The following HNRNPUL1 variants were observed in gnomAD, a reference collection of about 807,000 sequenced individuals.
HNRNPUL1 encodes the protein heterogeneous nuclear ribonucleoprotein U-like protein 1.
HNRNPUL1 carries 14 observed loss-of-function variants against 108.5 expected under a neutral mutation model. The ratio of observed to expected loss-of-function variants is 0.13; its 90% CI spans 0.09 to 0.20. HNRNPUL1 has a LOEUF of 0.20. Among genes scored for constraint, HNRNPUL1 ranks in the 10% least tolerant of loss-of-function variants. The pLI is 1.00. For synonymous variants in HNRNPUL1, 422 were observed against 445.2 expected, an observed-to-expected ratio of 0.95 and a Z score of 0.66; for missense variants, 804 against 1,168.3, an observed-to-expected ratio of 0.69 and a Z score of 4.55.
At position 41,282,713 on chromosome 19, in the gene HNRNPUL1, G is replaced by A. The variant is rs193263354; in HGVS notation, c.999+1438G>A. 3.6e-3 allele frequency among the ~76,000 whole-genome samples: 517 copies of A among 142,700 alleles called. 5 individuals are homozygous for A. The highest frequency in any genetic ancestry group is 0.013 in the African/African-American group (493 of 38,398). The allele number at this position is 142,700 out of a possible 152,430, so 93.6% of individuals were successfully genotyped here. ...TTTTCTTTTTTTTTTTTTTTGAGACGGAGTCTCGCTCTGTCGCCCAGGCTG... is the reference window on the plus strand; with the variant it reads ...TTTTCTTTTTTTTTTTTTTTGAGACAGAGTCTCGCTCTGTCGCCCAGGCTG... On this transcript the variant is annotated intron_variant, in intron 7 of 14. Transcript: ENST00000392006.
At chr19:41,278,811 C>T (rs959550738) in intron 5 of HNRNPUL1, among the ~76,000 whole-genome samples, 2 of 152,110 alleles carry the variant, frequency 1.3e-5, no homozygotes, top group Non-Finnish European at 2.9e-5. Flanking sequence ...GTTTATCTTT[C>T]TACTAGATGT....
At chr19:41,271,768 C>T (rs1599770739) in intron 2 of HNRNPUL1, among the ~76,000 whole-genome samples, 1 of 152,290 alleles carries the variant, frequency 6.6e-6, no homozygotes, top group South Asian at 2.1e-4. Context: ...GACCACAGTA[C>T]CCTGTTGAAT....
At chr19:41,279,327 G>C (rs1599790664) in intron 6 of HNRNPUL1, 151 bp downstream of exon 6, 3 of 592,448 alleles carry the variant, frequency 5.1e-6, no homozygotes, top group Admixed American at 5.9e-5. Flanking sequence ...ATATGCCACT[G>C]TCTCTGTCAT....
intron 1 of HNRNPUL1, 161 bp downstream of exon 1, chr19:41,264,959 C>T: frequency 7.5e-7 from 1 of 1,337,276 alleles, no homozygotes; most frequent in Non-Finnish European, 9.5e-7. Flanking sequence ...GGCCCCAGCA[C>T]GACCGGAGGG....
chr19:41,283,008 A>C (rs1003689593), intron 7 of HNRNPUL1, among the ~76,000 whole-genome samples: 10 of 152,188 alleles, frequency 6.6e-5, no homozygotes, highest in Admixed American at 5.2e-4. Context: ...TTTTCAATAA[A>C]TATATTGGAA....
At chr19:41,301,766 T>C (rs1402769295) in intron 11 of HNRNPUL1, 62 bp downstream of exon 11, 7 of 1,448,866 alleles carry the variant, frequency 4.8e-6, no homozygotes, top group Non-Finnish European at 6.5e-6. Context: ...AGAAGCTCTT[T>C]ACTCAGTTTG....
chr19:41,300,959 C>T (rs755737385), intron 10 of HNRNPUL1, among the ~76,000 whole-genome samples: 3 of 152,094 alleles, frequency 2.0e-5, no homozygotes, highest in Non-Finnish European at 2.9e-5. Context: ...AGTAGCATAG[C>T]TAATCTATAG....
chr19:41,297,215 G>A (rs2036943081), intron 10 of HNRNPUL1, among the ~76,000 whole-genome samples: 1 of 152,212 alleles, frequency 6.6e-6, no homozygotes, highest in Non-Finnish European at 1.5e-5. Flanking sequence ...CACGCACTCA[G>A]TGTACTGATA....
intron 10 of HNRNPUL1, among the ~76,000 whole-genome samples, chr19:41,299,425 A>G (rs1205722084): frequency 6.6e-6 from 1 of 152,194 alleles, no homozygotes; most frequent in African/African-American, 2.4e-5. Context: ...CCCTGTTCCT[A>G]TGTCTTAGAA....
At chr19:41,296,974 G>A (rs1030279173) in intron 10 of HNRNPUL1, among the ~76,000 whole-genome samples, 1 of 152,200 alleles carries the variant, frequency 6.6e-6, no homozygotes, top group African/African-American at 2.4e-5. Context: ...GTGGGCCTTT[G>A]TAAGCCAGGA....
chr19:41,306,497 C>T lies in HNRNPUL1; in HGVS notation c.2503C>T (p.Pro835Ser). 1 of 1,606,686 alleles carries T rather than the reference C, an allele frequency of 6.2e-7. No individual in the cohort carries two copies. Among genetic ancestry groups the T allele is most frequent in the South Asian group, 1.1e-5 (1 of 90,180 alleles). The change falls in exon 15 of 15, where the codon CCA becomes TCA. Residue 835 changes from proline (P) to serine (S), a missense_variant. By Grantham distance (74) the Pro-to-Ser change is moderately conservative. Around this residue, in one of 4 missense-constraint regions of HNRNPUL1, gnomAD observed 294 missense variants for 388.3 expected, o/e 0.76. Coordinates refer to ENST00000392006, the MANE Select transcript of HNRNPUL1 (RefSeq NM_007040.6). The stretch of plus-strand genomic sequence containing the variant: ...CTATCAGAACCAGGGCCAGTGGCCG[C>T]CATACTACGGGAACTACGACTACGG... ...QYYQNQGQWPPYYGNYDYGSY... is the reference protein window; with the variant it reads ...QYYQNQGQWPSYYGNYDYGSY...
chr19:41,270,355 A>G (rs1287968171), intron 2 of HNRNPUL1, among the ~76,000 whole-genome samples: 1 of 151,918 alleles, frequency 6.6e-6, no homozygotes, highest in Non-Finnish European at 1.5e-5. Context: ...ATGAGCCATG[A>G]TGGCAGCACT....
At chr19:41,302,606 A>G in intron 11 of HNRNPUL1, 59 bp from the exon 12 acceptor site, 1 of 1,603,448 alleles carries the variant, frequency 6.2e-7, no homozygotes, top group Non-Finnish European at 8.5e-7. Context: ...AGGGGACCAG[A>G]CTTCAGAAGG....
intron 7 of HNRNPUL1, among the ~76,000 whole-genome samples, chr19:41,289,046 C>T (rs188889332): frequency 2.0e-5 from 3 of 152,270 alleles, no homozygotes; most frequent in South Asian, 4.2e-4. Context: ...AGACTACACT[C>T]CAAACAGGTT....
At chr19:41,284,502 A>C (rs1444655840) in intron 7 of HNRNPUL1, among the ~76,000 whole-genome samples, 1 of 151,990 alleles carries the variant, frequency 6.6e-6, no homozygotes. Context: ...CAAACTTTTA[A>C]TATTTTATAA....
intron 5 of HNRNPUL1, chr19:41,278,190 G>C (rs2035689036): frequency 6.6e-6 from 1 of 152,058 alleles, no homozygotes; most frequent in Admixed American, 6.6e-5. Flanking sequence ...CTCCCAAGTA[G>C]CTGGGATTAC....
At chr19:41,305,625 C>T (rs374277355) in intron 13 of HNRNPUL1, 51 bp from the exon 14 acceptor site, 3 of 1,609,988 alleles carry the variant, frequency 1.9e-6, no homozygotes, top group African/African-American at 2.7e-5. Context: ...TTCACATCTG[C>T]AGATTTCCTC....
chr19:41,266,727 G>A lies in HNRNPUL1; in HGVS notation c.296-1496G>A, dbSNP rs550769959. On this transcript the variant is annotated intron_variant, in intron 1 of 14. Coordinates refer to ENST00000392006, the MANE Select transcript of HNRNPUL1 (RefSeq NM_007040.6). ...CTGGGACTTGGGGCTAAGGGGATAA[G>A]GAGAGAAATGAGGTAACAGAAGAGA... is the stretch of plus-strand genomic sequence containing the variant. 9.8e-5 allele frequency among the ~76,000 whole-genome samples: 15 copies of A among 152,316 alleles called. No homozygotes were observed. The East Asian group carries it at 2.7e-3, about 27-fold the overall frequency.
rs1056073290 is a variant in HNRNPUL1, at chr19:41,293,788, A to G, written c.1267-550A>G. 5.3e-5 allele frequency among the ~76,000 whole-genome samples: 8 copies of G among 152,236 alleles called. No individual in the cohort carries two copies. The South Asian group carries it at 8.3e-4, about 16-fold the overall frequency. On this transcript the variant is annotated intron_variant, in intron 8 of 14. Coordinates refer to ENST00000392006, the MANE Select transcript of HNRNPUL1 (RefSeq NM_007040.6). ...AAGAAGGGAGGAGGATCCCTTGAGTATAGGAGTTTGAGACCAGTCTGGGCA... is the reference window on the plus strand; with the variant it reads ...AAGAAGGGAGGAGGATCCCTTGAGTGTAGGAGTTTGAGACCAGTCTGGGCA...
Sources: gnomAD v4.1 joint callset for allele counts (sites outside exome capture counted in the v4.1 genomes callset) on GRCh38, gnomAD v4.1.1 for gene constraint, gnomAD v4.1.1 regional missense constraint, MANE v1.5 for transcripts, NCBI Gene and HGNC (gene_info 2026-07-23, HGNC 2026-07-21) for gene names.